The following FAM178B variants were observed in gnomAD, a reference collection of about 807,000 sequenced individuals.
FAM178B encodes the protein protein FAM178B.
FAM178B carries 82 observed loss-of-function variants against 91.7 expected under a neutral mutation model. The observed-to-expected ratio is 0.89, with a 90% CI of 0.75 to 1.07. The LOEUF is 1.07. Ranked by LOEUF, FAM178B falls within the 50% of genes least tolerant of loss-of-function variation. FAM178B has a pLI of 0.00. For missense variants in FAM178B, 769 were observed against 846.7 expected (o/e 0.91, Z 1.14); for synonymous variants, 368 against 359.4 (o/e 1.02, Z -0.27).
At chr2:96,929,154 G>T in intron 9 of FAM178B, 52 bp downstream of exon 9, 1 of 1,282,770 alleles carries the variant, frequency 7.8e-7, no homozygotes, top group Non-Finnish European at 1.1e-6. Flanking sequence ...GAGAGACCCT[G>T]TCTCTTAAAA....
At position 96,972,613 on chromosome 2, in the gene FAM178B, G is replaced by T; in HGVS notation, c.74-7C>A. 7 of 1,551,162 alleles carry T rather than the reference G, an allele frequency of 4.5e-6. No individual in the cohort carries two copies. The highest frequency in any genetic ancestry group is 6.1e-6 in the Non-Finnish European group (7 of 1,146,956). On this transcript the variant is annotated splice_region_variant and splice_polypyrimidine_tract_variant and intron_variant, in intron 1 of 16. Coordinates refer to ENST00000490605, the MANE Select transcript of FAM178B (RefSeq NM_001122646.3). ...AAGCCGTGGGACATCTGTCCTGGAA[G>T]GAAGCGCCTGTGAGGGCAGGTGAAC...
At chr2:96,985,004 C>T (rs1044754664) in intron 1 of FAM178B, among the ~76,000 whole-genome samples, 3 of 152,152 alleles carry the variant, frequency 2.0e-5, no homozygotes, top group Non-Finnish European at 4.4e-5. Flanking sequence ...AACGATGACA[C>T]AAAGAAAGAC....
chr2:96,910,311 C>T (rs2081129723), intron 12 of FAM178B, among the ~76,000 whole-genome samples: 1 of 152,090 alleles, frequency 6.6e-6, no homozygotes, highest in South Asian at 2.1e-4. Context: ...CTCCCAGGAG[C>T]AGTGAGACGC....
intron 12 of FAM178B, among the ~76,000 whole-genome samples, chr2:96,907,726 C>T (rs575694415): frequency 3.3e-5 from 5 of 152,378 alleles, no homozygotes; most frequent in South Asian, 4.1e-4. Context: ...TCCTAGCCTC[C>T]GCAAGGGGCA....
rs1344447220 is a variant in FAM178B, at chr2:96,877,997, T to C, written c.1900A>G (p.Thr634Ala). ...GCCTGGGGGCTCTCCCGGATCTGCG[T>C]GCTGATGTGGCGGTCCAACTGCATG... ...LCMQLDRHIS[T>A]QIRESPQAMH... Residue 634 changes from threonine to alanine, a missense_variant, in exon 16 of 17, where the codon ACG becomes GCG. Thr to Ala is a moderately conservative substitution (Grantham distance 58). Transcript: ENST00000490605. 6.2e-7 allele frequency: 1 copy of C among 1,613,040 alleles called. No individual in the cohort carries two copies. Among genetic ancestry groups the C allele is most frequent in the Non-Finnish European group, 8.5e-7 (1 of 1,180,020 alleles).
chr2:96,974,314 G>A (rs1437961742), intron 1 of FAM178B, among the ~76,000 whole-genome samples: 4 of 149,434 alleles, frequency 2.7e-5, no homozygotes, highest in African/African-American at 4.9e-5. Context: ...CCCAAGAGGC[G>A]GAGGTTGCAG....
intron 8 of FAM178B, among the ~76,000 whole-genome samples, chr2:96,946,966 A>C (rs1052801845): frequency 6.6e-6 from 1 of 152,196 alleles, no homozygotes. Context: ...CAAAAGCAGA[A>C]ACTTAAAGGG....
chr2:96,885,868 C>T (rs562745183), intron 14 of FAM178B, among the ~76,000 whole-genome samples: 5 of 152,288 alleles, frequency 3.3e-5, no homozygotes, highest in South Asian at 2.1e-4. Context: ...TAAGAGTTCA[C>T]GCCAGTACAC....
chr2:96,936,923 CA>C (rs2081642458), intron 8 of FAM178B, among the ~76,000 whole-genome samples: 1 of 152,106 alleles, frequency 6.6e-6, no homozygotes, highest in Non-Finnish European at 1.5e-5. Context: ...GCTCTCATCT[CA>C]ATCAAGGACC....
chr2:96,892,835 G>A (rs1448414164), intron 14 of FAM178B, among the ~76,000 whole-genome samples: 1 of 152,098 alleles, frequency 6.6e-6, no homozygotes, highest in African/African-American at 2.4e-5. Context: ...CTCCTCTCTA[G>A]AGGCCCCATA....
At chr2:96,914,293 A>G (rs1336844385) in intron 12 of FAM178B, among the ~76,000 whole-genome samples, 1 of 152,204 alleles carries the variant, frequency 6.6e-6, no homozygotes, top group East Asian at 1.9e-4. Flanking sequence ...AGGCAGTGAC[A>G]TGTGAGCAGA....
At chr2:96,974,540 A>G (rs2082264924) in intron 1 of FAM178B, among the ~76,000 whole-genome samples, 3 of 152,180 alleles carry the variant, frequency 2.0e-5, no homozygotes, top group Admixed American at 1.3e-4. Context: ...ATTAGTTCAA[A>G]TATAAACGGA....
chr2:96,878,322 GTGGGC>G, intron 15 of FAM178B, 89 bp downstream of exon 15: 1 of 1,221,944 alleles, frequency 8.2e-7, no homozygotes, highest in Non-Finnish European at 1.2e-6. Flanking sequence ...GTTCCTAACA[GTGGGC>G]TGGGCGCCAT....
intron 4 of FAM178B, 61 bp downstream of exon 4, chr2:96,970,655 C>T (rs948142283): frequency 2.2e-5 from 29 of 1,328,050 alleles, no homozygotes; most frequent in African/African-American, 1.7e-4. Flanking sequence ...CAGTGAGTCC[C>T]GGGACTGCTG....
rs898117765 is a variant in FAM178B, at chr2:96,986,348, G to A, written c.-35C>T. The stretch of plus-strand genomic sequence containing the variant: ...AGGGCAGGGCTCCGGGGTGAGGGAG[G>A]GTGGCGGGAATTCGCACGGCCTCAG... On this transcript the variant is annotated 5_prime_UTR_variant, in exon 1 of 17. Transcript: ENST00000490605. 17 of 1,528,328 alleles carry A rather than the reference G, an allele frequency of 1.1e-5. No individual in the cohort carries two copies. Among genetic ancestry groups the A allele is most frequent in the Non-Finnish European group, 1.5e-5 (17 of 1,144,676 alleles). 94.7% of individuals were successfully genotyped at this position (1,528,328 alleles called of 1,614,324 possible).
chr2:96,923,719 C>T (rs1468419331), intron 9 of FAM178B, 136 bp from the exon 10 acceptor site: 1 of 669,484 alleles, frequency 1.5e-6, no homozygotes, highest in Admixed American at 2.2e-5. Context: ...CACAGATGAT[C>T]TCATGAGTTT....
At chr2:96,937,472 C>T (rs1422880381) in intron 8 of FAM178B, among the ~76,000 whole-genome samples, 13 of 152,130 alleles carry the variant, frequency 8.5e-5, no homozygotes, top group Non-Finnish European at 1.3e-4. Flanking sequence ...ATGCCAGCCC[C>T]GGCTCCCCTC....
chr2:96,897,456 G>C (rs1321530386), intron 13 of FAM178B, among the ~76,000 whole-genome samples: 1 of 152,180 alleles, frequency 6.6e-6, no homozygotes, highest in Non-Finnish European at 1.5e-5. Flanking sequence ...TTGACAAGAG[G>C]TTTACTGTGT....
chr2:96,923,452 C>T (rs1395761604), intron 10 of FAM178B, 38 bp downstream of exon 10: 1 of 1,478,628 alleles, frequency 6.8e-7, no homozygotes, highest in Non-Finnish European at 9.3e-7. Context: ...GAACTGTAAG[C>T]CGAGAGTGCC....
Sources: allele counts gnomAD v4.1 joint callset (sites outside exome capture counted in the v4.1 genomes callset), GRCh38; gene constraint gnomAD v4.1.1; transcripts MANE v1.5; gene names NCBI Gene and HGNC (gene_info 2026-07-23, HGNC 2026-07-21).